Variants in ZNF236 observed in about 807,000 individuals in gnomAD.
ZNF236 encodes the protein regulated by glucose.
Under a neutral mutation model 191.2 loss-of-function variants are expected in ZNF236, and 50 were observed. The observed-to-expected ratio is 0.26, with a 90% confidence interval of 0.21 to 0.33. The LOEUF is 0.33. Ranked by LOEUF, ZNF236 falls within the 10% of genes least tolerant of loss-of-function variation. The pLI is 1.00. For missense variants in ZNF236, 1,754 were observed against 2,374.5 expected (o/e 0.74, Z 5.43); for synonymous variants, 907 against 928.8 (o/e 0.98, Z 0.43).
At chr18:76,822,826 A>T (rs1599300220) in intron 1 of ZNF236, among the ~76,000 whole-genome samples, 164 bp downstream of exon 1, 2 of 145,426 alleles carry the variant, frequency 1.4e-5, no homozygotes, top group African/African-American at 2.5e-5. Flanking sequence ...GGCGGGCCGC[A>T]GCGCGGGCGG....
chr18:76,907,482 C>T lies in ZNF236; in HGVS notation c.2298-838C>T, dbSNP rs527917203. Among the ~76,000 whole-genome samples, 240 of 152,314 alleles carry T rather than the reference C, an allele frequency of 1.6e-3. 2 individuals carry two copies. The highest frequency in any genetic ancestry group is 5.5e-3 in the African/African-American group (228 of 41,566). ...TAGCTGGGATTACAGGCGTGCACCC[C>T]TGCACCTGGCTAATTTTTGTATTTG... On this transcript the variant is annotated intron_variant, in intron 13 of 30. Transcript: ENST00000320610.
chr18:76,926,945 G>A lies in ZNF236; in HGVS notation c.4028-92G>A, dbSNP rs1342349972. The A allele has an allele frequency of 2.1e-6, 3 of 1,424,452 alleles. No homozygotes were observed. The East Asian group carries it at 6.9e-5, about 33-fold the overall frequency. The allele number at this position is 1,424,452 out of a possible 1,614,324, so 88.2% of individuals were successfully genotyped here. On this transcript the variant is annotated intron_variant, in intron 22 of 30. Transcript: ENST00000320610. ...TATTGACATAATGTGTACAACTTATGTATTTAAAAATCCCTATGTAAAAAA... is the reference window on the plus strand; with the variant it reads ...TATTGACATAATGTGTACAACTTATATATTTAAAAATCCCTATGTAAAAAA...
chr18:76,944,368 C>A (rs920635390), intron 26 of ZNF236, among the ~76,000 whole-genome samples: 8 of 152,184 alleles, frequency 5.3e-5, no homozygotes, highest in African/African-American at 1.9e-4. Flanking sequence ...ATAATACAAA[C>A]CAAAAGTAAA....
intron 30 of ZNF236, among the ~76,000 whole-genome samples, chr18:76,961,639 ACT>A (rs1042784360): frequency 6.6e-6 from 1 of 152,172 alleles, no homozygotes; most frequent in African/African-American, 2.4e-5. Flanking sequence ...GAATCTCTAC[ACT>A]GTTTTCCATA....
intron 1 of ZNF236, among the ~76,000 whole-genome samples, chr18:76,839,617 C>T (rs903942324): frequency 1.3e-5 from 2 of 152,158 alleles, no homozygotes; most frequent in Non-Finnish European, 2.9e-5. Flanking sequence ...CTCAAGTCGT[C>T]TGACTCCAAG....
chr18:76,968,184 G>T, intron 30 of ZNF236, 31 bp from the exon 31 acceptor site: 1 of 1,613,368 alleles, frequency 6.2e-7, no homozygotes, highest in Non-Finnish European at 8.5e-7. Flanking sequence ...AAGGTCTGAG[G>T]CTGCTTGTGT....
At chr18:76,823,179 G>A (rs1974914156) in intron 1 of ZNF236, among the ~76,000 whole-genome samples, 1 of 152,060 alleles carries the variant, frequency 6.6e-6, no homozygotes, top group African/African-American at 2.4e-5. Flanking sequence ...TCGGCCCACA[G>A]GGAGGCCGTG....
At chr18:76,913,943 A>C in intron 18 of ZNF236, 45 bp downstream of exon 18, 1 of 1,606,136 alleles carries the variant, frequency 6.2e-7, no homozygotes, top group Non-Finnish European at 8.5e-7. Context: ...TTAAAGAAAA[A>C]AGCTTTATTG....
rs762412661 is a variant in ZNF236, at chr18:76,880,235, G to A, written c.1107G>A (p.Pro369=). The part of the protein sequence containing the change: ...VIQQLLELSE[P]APVESGQSPQ... The stretch of plus-strand genomic sequence containing the variant: ...AGCAGCTCCTGGAGCTCTCAGAGCC[G>A]GCGCCGGTGGAGTCGGGGCAGTCCC... Residue 369 remains proline (P), a synonymous_variant, in exon 8 of 31, where the codon CCG becomes CCA. Coordinates refer to ENST00000320610, the MANE Select transcript of ZNF236 (RefSeq NM_001306089.2). This position sits in a 1 kb window ranked among gnomAD's most constrained non-coding sequence, Gnocchi z 5.0. 48 of 1,613,954 alleles carry A rather than the reference G, an allele frequency of 3.0e-5. No homozygotes were observed. The highest frequency in any genetic ancestry group is 1.6e-4 in the Middle Eastern group (1 of 6,084).
At chr18:76,955,305 G>A (rs9945173) in intron 27 of ZNF236, among the ~76,000 whole-genome samples, 4,753 of 152,178 alleles carry the variant, frequency 0.031, 247 homozygotes, top group African/African-American at 0.11. Flanking sequence ...GGACGCAGGC[G>A]TGCGGGAGGG....
At chr18:76,961,252 C>T (rs558908519) in intron 30 of ZNF236, among the ~76,000 whole-genome samples, 2 of 151,888 alleles carry the variant, frequency 1.3e-5, no homozygotes, top group East Asian at 1.9e-4. Flanking sequence ...TGAGAACATG[C>T]GATGTTTGGT....
chr18:76,967,527 TGGTGTG>T (rs1568252155), intron 30 of ZNF236, among the ~76,000 whole-genome samples: 1 of 94,860 alleles, frequency 1.1e-5, no homozygotes, highest in African/African-American at 3.9e-5. Context: ...TTGGAGGTGG[TGGTGTG>T]ATCTGTGAGA....
chr18:76,877,992 C>G lies in ZNF236; in HGVS notation c.841-17C>G, dbSNP rs1259662052. 6.6e-7 allele frequency: 1 copy of G among 1,520,154 alleles called. No individual in the cohort carries two copies. Among genetic ancestry groups the G allele is most frequent in the African/African-American group, 1.4e-5 (1 of 71,920 alleles). The allele number at this position is 1,520,154 out of a possible 1,614,324, so 94.2% of individuals were successfully genotyped here. ...ATTAATTGTAAAACATCATTTTTTT[C>G]CTTTTTATTCTTTAAGGTCAAGAAT... On this transcript the variant is annotated splice_polypyrimidine_tract_variant and intron_variant, in intron 6 of 30. Transcript: ENST00000320610.
rs577601735 is a variant in ZNF236 at position 76,858,461 on chromosome 18, T to C, written c.363+6522T>C. Among the ~76,000 whole-genome samples the C allele has an allele frequency of 7.2e-5, 11 of 152,346 alleles. 1 individual carries two copies. In the South Asian group the frequency reaches 2.3e-3, roughly 32 times the overall value. On this transcript the variant is annotated intron_variant, in intron 3 of 30. Transcript: ENST00000320610. ...ATGTAGCCCCTAAAAACAAAGACAC[T>C]TTTCTTCATTTCACAAAACAGTGAT...
At chr18:76,893,769 T>C (rs1393672404) in intron 9 of ZNF236, among the ~76,000 whole-genome samples, 4 of 152,266 alleles carry the variant, frequency 2.6e-5, no homozygotes, top group Non-Finnish European at 5.9e-5. Context: ...CGCCTTGGCC[T>C]CTCAGAGTGT....
At chr18:76,851,263 C>CTTTTT (rs775928958) in intron 2 of ZNF236, among the ~76,000 whole-genome samples, 3 of 117,678 alleles carry the variant, frequency 2.5e-5, no homozygotes, top group Non-Finnish European at 3.5e-5. Context: ...AGAAAGAAAC[C>CTTTTT]TTTTTTTTTT....
Position 76,880,904 on chromosome 18 carries a change from G to A in ZNF236, c.1189-380G>A, listed in dbSNP as rs1435702644. 6.6e-6 allele frequency among the ~76,000 whole-genome samples: 1 copy of A among 152,146 alleles called. No individual in the cohort carries two copies. The highest frequency in any genetic ancestry group is 1.5e-5 in the Non-Finnish European group (1 of 68,022). On this transcript the variant is annotated intron_variant, in intron 8 of 30. Coordinates refer to ENST00000320610, the MANE Select transcript of ZNF236 (RefSeq NM_001306089.2). The surrounding 1 kb of genome is among the most constrained non-coding windows in gnomAD (Gnocchi z 5.0). ...CTGGCCAGGGGTATGAGGAATCTCA[G>A]GGTGTCGTTCTACAGCCGATACCTG... is the stretch of plus-strand genomic sequence containing the variant.
At chr18:76,935,879 T>G (rs1967979348) in intron 25 of ZNF236, 2 of 439,692 alleles carry the variant, frequency 4.5e-6, no homozygotes, top group South Asian at 3.2e-5. Flanking sequence ...GTGCGGATGC[T>G]GGAGCAGGCG....
chr18:76,926,052 C>T (rs1286647126), intron 22 of ZNF236, among the ~76,000 whole-genome samples: 2 of 152,110 alleles, frequency 1.3e-5, no homozygotes, highest in African/African-American at 2.4e-5. Context: ...TTCTGTGACT[C>T]GTGGCAGGAT....
Sources: allele counts gnomAD v4.1 joint callset (sites outside exome capture counted in the v4.1 genomes callset), GRCh38; gene constraint gnomAD v4.1.1; non-coding constraint Gnocchi (gnomAD v3.1); transcripts MANE v1.5; gene names NCBI Gene and HGNC (gene_info 2026-07-23, HGNC 2026-07-21).